The following SERGEF variants were observed in gnomAD, a reference collection of about 807,000 sequenced individuals.
SERGEF encodes the protein secretion regulating guanine nucleotide exchange factor.
A neutral mutation model predicts 50.0 loss-of-function variants in SERGEF; 51 were observed. The ratio of observed to expected loss-of-function variants is 1.02; its 90% CI spans 0.81 to 1.29. The LOEUF (loss-of-function observed/expected upper bound fraction) is 1.29, where lower values mean the gene tolerates loss of function less well. Ranked by LOEUF, SERGEF falls within the 50% of genes most tolerant of loss-of-function variation. The pLI, the probability that SERGEF is intolerant of heterozygous loss-of-function variation, is 0.00. For missense variants in SERGEF, 521 were observed against 557.0 expected, an observed-to-expected ratio of 0.94 and a Z score of 0.65; for synonymous variants, 205 against 212.4, an observed-to-expected ratio of 0.97 and a Z score of 0.30.
Position 17,798,858 on chromosome 11 carries a change from T to C in SERGEF, c.1049-10445A>G, listed in dbSNP as rs1433559013. 1.3e-4 allele frequency among the ~76,000 whole-genome samples: 20 copies of C among 152,170 alleles called. 1 individual carries two copies. Among genetic ancestry groups the C allele is most frequent in the Non-Finnish European group, 4.4e-5 (3 of 68,036 alleles). On this transcript the variant is annotated intron_variant, in intron 10 of 10. Coordinates refer to ENST00000265965, the MANE Select transcript of SERGEF (RefSeq NM_012139.4). The stretch of plus-strand genomic sequence containing the variant: ...TGGGAAGAAGATATTTTGGTCACAC[T>C]CTGTGGATGAGGAAACAGGCTGGGA...
intron 10 of SERGEF, among the ~76,000 whole-genome samples, chr11:17,808,927 T>G (rs1393761395): frequency 6.6e-6 from 1 of 152,226 alleles, no homozygotes; most frequent in East Asian, 1.9e-4. Context: ...AATATATAGG[T>G]ATTGGGGTTT....
intron 9 of SERGEF, 91 bp from the exon 10 acceptor site, chr11:17,878,335 C>A: frequency 1.0e-6 from 1 of 987,670 alleles, no homozygotes; most frequent in South Asian, 1.6e-5. Context: ...CACTAACATC[C>A]ATTTTTGGCA....
chr11:17,794,882 G>A (rs1313505183), intron 10 of SERGEF, among the ~76,000 whole-genome samples: 1 of 152,236 alleles, frequency 6.6e-6, no homozygotes, highest in Non-Finnish European at 1.5e-5. Flanking sequence ...GTAATGGAAG[G>A]CAAGAACTCC....
chr11:17,971,845 T>C (rs772612112), intron 8 of SERGEF, among the ~76,000 whole-genome samples: 19 of 152,250 alleles, frequency 1.2e-4, no homozygotes, highest in Non-Finnish European at 8.8e-5. Flanking sequence ...TGGAAAGGAT[T>C]CATCATTCTA....
chr11:18,002,182 T>C (rs529707424), intron 4 of SERGEF: 1 of 360,930 alleles, frequency 2.8e-6, no homozygotes, highest in African/African-American at 2.1e-5. Context: ...ACTGAAGGGC[T>C]TTACATGTGA....
intron 4 of SERGEF, among the ~76,000 whole-genome samples, chr11:18,002,804 A>G (rs1853993155): frequency 6.6e-6 from 1 of 152,254 alleles, no homozygotes; most frequent in African/African-American, 2.4e-5. Flanking sequence ...GTACCTACAC[A>G]TAATGGTTGT....
chr11:17,881,903 C>A (rs1033368951), intron 9 of SERGEF, among the ~76,000 whole-genome samples: 2 of 152,174 alleles, frequency 1.3e-5, no homozygotes, highest in Non-Finnish European at 2.9e-5. Context: ...AAGCCTAAAA[C>A]ATCTTACAAG....
chr11:17,990,898 C>T (rs1853701095), intron 7 of SERGEF, among the ~76,000 whole-genome samples: 1 of 152,038 alleles, frequency 6.6e-6, no homozygotes, highest in Non-Finnish European at 1.5e-5. Flanking sequence ...TCCCAAGTAG[C>T]TGGGATTACA....
At chr11:17,793,270 T>C (rs534909414) in intron 10 of SERGEF, among the ~76,000 whole-genome samples, 46 of 152,242 alleles carry the variant, frequency 3.0e-4, no homozygotes, top group African/African-American at 9.1e-4. Flanking sequence ...AGTAGAATGA[T>C]AGGAAGTTTG....
chr11:17,808,228 C>T (rs1162134540), intron 10 of SERGEF, among the ~76,000 whole-genome samples: 3 of 152,166 alleles, frequency 2.0e-5, no homozygotes, highest in Non-Finnish European at 4.4e-5. Context: ...TGTGTCGCTA[C>T]AAAGAAATGC....
chr11:17,909,322 A>C (rs1851907186), intron 9 of SERGEF, among the ~76,000 whole-genome samples: 1 of 152,260 alleles, frequency 6.6e-6, no homozygotes, highest in East Asian at 1.9e-4. Flanking sequence ...TTATTTGGCC[A>C]GAAGCTGTCT....
chr11:17,907,751 T>C (rs1020925906), intron 9 of SERGEF, among the ~76,000 whole-genome samples: 2 of 152,004 alleles, frequency 1.3e-5, no homozygotes, highest in Admixed American at 6.5e-5. Context: ...ATGATAAAGG[T>C]AGAGTCAGCC....
chr11:17,887,062 G>A (rs1281273462), intron 9 of SERGEF, among the ~76,000 whole-genome samples: 1 of 152,120 alleles, frequency 6.6e-6, no homozygotes, highest in African/African-American at 2.4e-5. Flanking sequence ...AAGATGAGGA[G>A]GAGGTACAAG....
At chr11:17,996,084 A>C (rs490386) in intron 5 of SERGEF, among the ~76,000 whole-genome samples, 175 bp from the exon 6 acceptor site, 34,975 of 152,160 alleles carry the variant, frequency 0.23, 4,531 homozygotes, top group African/African-American at 0.35. Flanking sequence ...ATTACCACCA[A>C]GCCAATCACA....
intron 8 of SERGEF, among the ~76,000 whole-genome samples, chr11:17,974,926 T>C (rs948436098): frequency 2.6e-5 from 4 of 152,204 alleles, no homozygotes; most frequent in Admixed American, 1.3e-4. Context: ...CCACTGACTC[T>C]GGGGCTGGCT....
chr11:17,973,614 T>A (rs770693595), intron 8 of SERGEF, among the ~76,000 whole-genome samples: 4 of 152,174 alleles, frequency 2.6e-5, no homozygotes, highest in Non-Finnish European at 5.9e-5. Context: ...TCTTGGTACA[T>A]GACTTTAGAC....
intron 9 of SERGEF, among the ~76,000 whole-genome samples, chr11:17,930,524 T>C (rs1852332845): frequency 6.6e-6 from 1 of 152,194 alleles, no homozygotes. Context: ...GGGGAGAAGA[T>C]GGCAGAGACT....
At chr11:17,837,379 T>C (rs2133859261) in intron 10 of SERGEF, among the ~76,000 whole-genome samples, 1 of 151,906 alleles carries the variant, frequency 6.6e-6, no homozygotes, top group Non-Finnish European at 1.5e-5. Context: ...AGTGTGATGT[T>C]TGGGTAAAGG....
At chr11:17,815,336 C>T (rs1212425354) in intron 10 of SERGEF, among the ~76,000 whole-genome samples, 13 of 151,590 alleles carry the variant, frequency 8.6e-5, no homozygotes, top group Middle Eastern at 3.4e-3. Flanking sequence ...TGGTGGCTCA[C>T]GCCTGTAATC....
Sources: allele counts gnomAD v4.1 joint callset (sites outside exome capture counted in the v4.1 genomes callset), GRCh38; gene constraint gnomAD v4.1.1; transcripts MANE v1.5; gene names NCBI Gene and HGNC (gene_info 2026-07-23, HGNC 2026-07-21).